Variants in ADAMTSL1 observed in about 807,000 individuals in gnomAD.
The protein encoded by ADAMTSL1 is ADAMTS-like protein 1.
Under a neutral mutation model 201.8 loss-of-function variants are expected in ADAMTSL1, and 126 were observed. The observed-to-expected ratio is 0.62, with a 90% CI of 0.54 to 0.72. ADAMTSL1 has a LOEUF of 0.72. Among genes scored for constraint, ADAMTSL1 ranks in the 30% least tolerant of loss-of-function variants. ADAMTSL1 has a pLI of 0.00. For synonymous variants in ADAMTSL1, 1,121 were observed against 903.4 expected (o/e 1.24, Z -4.32); for missense variants, 2,679 against 2,277.8 (o/e 1.18, Z -3.59).
chr9:18,613,300 A>G (rs1237801050), intron 4 of ADAMTSL1, among the ~76,000 whole-genome samples: 2 of 152,186 alleles, frequency 1.3e-5, no homozygotes, highest in African/African-American at 4.8e-5. Flanking sequence ...GGAAGACAAC[A>G]TGGCACTTCC....
chr9:18,786,760 A>T (rs547415208), intron 19 of ADAMTSL1, among the ~76,000 whole-genome samples: 1 of 152,366 alleles, frequency 6.6e-6, no homozygotes, highest in Non-Finnish European at 1.5e-5. Context: ...GAGAATTATC[A>T]GCCTAAATCC....
chr9:18,206,862 C>G (rs1829668848), intron 2 of ADAMTSL1, among the ~76,000 whole-genome samples: 1 of 151,960 alleles, frequency 6.6e-6, no homozygotes, highest in Non-Finnish European at 1.5e-5. Flanking sequence ...GACCAGCAAG[C>G]AAGGAAAGAA....
chr9:18,173,555 A>G (rs1204092784), intron 2 of ADAMTSL1, among the ~76,000 whole-genome samples: 2 of 152,086 alleles, frequency 1.3e-5, no homozygotes, highest in East Asian at 1.9e-4. Flanking sequence ...CACAGCCCCT[A>G]TCTTTTATTT....
intron 2 of ADAMTSL1, among the ~76,000 whole-genome samples, chr9:18,245,449 G>C (rs1418073626): frequency 6.6e-6 from 1 of 152,108 alleles, no homozygotes; most frequent in East Asian, 1.9e-4. Context: ...CGGGGTTTGT[G>C]ACTGCCTTAC....
Position 18,721,621 on chromosome 9 carries a change from C to T in ADAMTSL1, c.1962C>T (p.Pro654=), listed in dbSNP as rs754742267. ...ACCTGTGCGTGACCAGCCGCCGGCC[C>T]CCACAGCTCCTGAAGTCCTGCAATT... ...EENLCVTSRR[P]PQLLKSCNLD... is the part of the protein sequence containing the mutation. Residue 654 remains proline (P), a synonymous_variant, in exon 15 of 29, where the codon CCC becomes CCT. Transcript: ENST00000380548. The T allele has an allele frequency of 1.9e-6, 3 of 1,613,956 alleles. No individual in the cohort carries two copies. The highest frequency in any genetic ancestry group is 2.2e-5 in the East Asian group (1 of 44,884).
intron 25 of ADAMTSL1, 144 bp downstream of exon 25, chr9:18,889,892 ATCAGGCC>A (rs1391617075): frequency 1.3e-6 from 1 of 788,582 alleles, no homozygotes; most frequent in Non-Finnish European, 1.8e-6. Flanking sequence ...GCACAGGCTT[ATCAGGCC>A]TCTCCACCTT....
At chr9:17,939,098 G>T (rs1290061934) in intron 1 of ADAMTSL1, among the ~76,000 whole-genome samples, 2 of 152,054 alleles carry the variant, frequency 1.3e-5, no homozygotes, top group Non-Finnish European at 2.9e-5. Context: ...TGTGTAGCTT[G>T]ATACCTTCCA....
chr9:18,518,466 G>A (rs928768731), intron 2 of ADAMTSL1, among the ~76,000 whole-genome samples: 15 of 152,158 alleles, frequency 9.9e-5, no homozygotes, highest in Middle Eastern at 6.3e-3. Context: ...CCATGTTGCC[G>A]TAAAGGACAT....
intron 19 of ADAMTSL1, among the ~76,000 whole-genome samples, chr9:18,788,818 C>G (rs546163918): frequency 1.1e-3 from 169 of 151,278 alleles, no homozygotes; most frequent in African/African-American, 4.0e-3. Context: ...TTTTCCAGCT[C>G]TAACTCATTT....
At chr9:18,601,362 A>T (rs1195240591) in intron 4 of ADAMTSL1, among the ~76,000 whole-genome samples, 3 of 152,230 alleles carry the variant, frequency 2.0e-5, no homozygotes, top group Non-Finnish European at 4.4e-5. Context: ...CTCAAGAAGC[A>T]CAAGTGCCAG....
At chr9:17,927,052 C>G (rs1826567320) in intron 1 of ADAMTSL1, among the ~76,000 whole-genome samples, 1 of 152,166 alleles carries the variant, frequency 6.6e-6, no homozygotes, top group African/African-American at 2.4e-5. Flanking sequence ...CCACGAACAA[C>G]TCCTCGTTCT....
intron 2 of ADAMTSL1, among the ~76,000 whole-genome samples, chr9:18,277,831 C>G (rs1228158338): frequency 6.6e-6 from 1 of 152,114 alleles, no homozygotes; most frequent in East Asian, 1.9e-4. Context: ...TTTCTGACTG[C>G]TACTTATTTC....
intron 2 of ADAMTSL1, among the ~76,000 whole-genome samples, chr9:18,356,212 G>T (rs528836940): frequency 4.6e-5 from 7 of 152,300 alleles, no homozygotes; most frequent in African/African-American, 1.7e-4. Context: ...CTTTTTCTGG[G>T]CCCAGAATAG....
chr9:18,550,836 AC>A (rs1294882710), intron 3 of ADAMTSL1, among the ~76,000 whole-genome samples: 1 of 152,020 alleles, frequency 6.6e-6, no homozygotes, highest in East Asian at 1.9e-4. Context: ...TTTTAAAAAA[AC>A]ATATTTGTGT....
At chr9:17,910,385 C>G (rs561686621) in intron 1 of ADAMTSL1, among the ~76,000 whole-genome samples, 1 of 68,040 alleles carries the variant, frequency 1.5e-5, no homozygotes, top group African/African-American at 3.0e-5. Context: ...TTTTTTTATG[C>G]TTTCCCACTG....
intron 4 of ADAMTSL1, among the ~76,000 whole-genome samples, chr9:18,617,486 A>ATT (rs34058021): frequency 2.6e-5 from 1 of 38,448 alleles, no homozygotes; most frequent in African/African-American, 8.5e-5. Flanking sequence ...ATCCTAGTTT[A>ATT]TTTTTTTTTT....
chr9:18,179,635 G>T (rs1258882699), intron 2 of ADAMTSL1, among the ~76,000 whole-genome samples: 4 of 152,106 alleles, frequency 2.6e-5, no homozygotes, highest in Non-Finnish European at 5.9e-5. Context: ...AGAAAGGTGG[G>T]TTACCCTCAA....
intron 1 of ADAMTSL1, among the ~76,000 whole-genome samples, chr9:17,953,033 G>GT (rs5896767): frequency 0.6 from 86,206 of 144,524 alleles, 26,004 homozygotes; most frequent in East Asian, 0.92. Context: ...AATTTCCATA[G>GT]TTTTTTTTTT....
At chr9:18,844,408 A>G (rs1211651443) in intron 23 of ADAMTSL1, among the ~76,000 whole-genome samples, 1 of 152,104 alleles carries the variant, frequency 6.6e-6, no homozygotes, top group African/African-American at 2.4e-5. Context: ...TTTGTCTCAG[A>G]GGAGTACCCG....
Sources: gnomAD v4.1 joint callset for allele counts (sites outside exome capture counted in the v4.1 genomes callset) on GRCh38, gnomAD v4.1.1 for gene constraint, MANE v1.5 for transcripts, NCBI Gene and HGNC (gene_info 2026-07-23, HGNC 2026-07-21) for gene names.